DMD: variants seen among roughly 807,000 people sequenced by gnomAD.
The protein encoded by DMD is mutant dystrophin.
In DMD, 63 loss-of-function variants were observed where a neutral mutation model predicts 330.1. The observed-to-expected ratio is 0.19, with a 90% confidence interval of 0.16 to 0.24. DMD has a LOEUF of 0.24. DMD is among the 10% of genes least tolerant of loss of function. The pLI, the probability that DMD is intolerant of heterozygous loss-of-function variation, is 1.00. For synonymous variants in DMD, 1,223 were observed against 959.8 expected (o/e 1.27, Z -5.07); for missense variants, 3,344 against 2,684.1 (o/e 1.25, Z -5.43).
At chrX:32,306,093 T>C (rs1010446468) in intron 42 of DMD, among the ~76,000 whole-genome samples, 1 of 109,655 alleles carries the variant, frequency 9.1e-6, no homozygotes, top group Non-Finnish European at 1.9e-5. Flanking sequence ...ATACGCAATA[T>C]TTACTTATCA....
chrX:33,137,124 C>G (rs184431948), intron 1 of DMD, among the ~76,000 whole-genome samples: 11 of 110,936 alleles, frequency 9.9e-5, no homozygotes, highest in Non-Finnish European at 1.7e-4. Context: ...AGATCGTCCC[C>G]TGCTCCCTTA....
intron 7 of DMD, among the ~76,000 whole-genome samples, chrX:32,715,469 CAAA>C (rs61325834): frequency 0.017 from 287 of 17,193 alleles, 1 homozygote; most frequent in Admixed American, 0.057. Context: ...GAGATTCCAT[CAAA>C]AAAAAAAAAA....
chrX:32,959,289 A>T (rs1786720815), intron 2 of DMD, among the ~76,000 whole-genome samples: 1 of 111,295 alleles, frequency 9.0e-6, no homozygotes, highest in African/African-American at 3.3e-5. Context: ...AAGGCACCTA[A>T]TTTGAATTTG....
chrX:32,588,696 TG>T (rs776845417), intron 13 of DMD, among the ~76,000 whole-genome samples: 1 of 111,465 alleles, frequency 9.0e-6, no homozygotes, highest in Non-Finnish European at 1.9e-5. Context: ...GCAAGGACTT[TG>T]GGGGCTTATG....
In DMD at chrX:32,984,551, G is replaced by A. The variant is rs1305318548; in HGVS notation, c.93+35588C>T. 4.5e-5 allele frequency among the ~76,000 whole-genome samples: 5 copies of A among 111,677 alleles called. No homozygotes were observed. In the East Asian group the frequency reaches 8.4e-4, roughly 19 times the overall value. ...ATTGTAGGAGTGAGCCACCGTGCCC[G>A]GCCCACCTCTGTGTTTTACTTTCCC... On this transcript the variant is annotated intron_variant, in intron 2 of 78. Transcript: ENST00000357033.
At chrX:31,715,656 T>A (rs1014564036) in intron 52 of DMD, among the ~76,000 whole-genome samples, 1 of 111,178 alleles carries the variant, frequency 9.0e-6, no homozygotes, top group Admixed American at 9.6e-5. Context: ...TGGCCTAGTA[T>A]GTTGTATTCT....
chrX:32,978,811 T>G (rs762130475), intron 2 of DMD, among the ~76,000 whole-genome samples: 2 of 112,039 alleles, frequency 1.8e-5, no homozygotes, highest in African/African-American at 6.5e-5. Flanking sequence ...TTTTATTTCC[T>G]TTGCTTCAAA....
intron 1 of DMD, among the ~76,000 whole-genome samples, chrX:33,283,967 A>C (rs1002729623): frequency 9.1e-6 from 1 of 110,480 alleles, no homozygotes; most frequent in African/African-American, 3.3e-5. Flanking sequence ...GCAGTGAGCC[A>C]AGATCGCGCC....
intron 54 of DMD, among the ~76,000 whole-genome samples, chrX:31,644,948 C>T (rs1420242268): frequency 9.0e-6 from 1 of 111,622 alleles, no homozygotes; most frequent in Non-Finnish European, 1.9e-5. Context: ...TTACTGTTAC[C>T]AGCAGCAACC....
At chrX:32,974,825 C>G (rs1001037112) in intron 2 of DMD, among the ~76,000 whole-genome samples, 3 of 111,757 alleles carry the variant, frequency 2.7e-5, no homozygotes, top group Non-Finnish European at 5.6e-5. Flanking sequence ...AAAATGACTT[C>G]CTTTCATCTT....
At chrX:32,544,696 G>T (rs6653875) in intron 17 of DMD, among the ~76,000 whole-genome samples, 1 of 110,055 alleles carries the variant, frequency 9.1e-6, no homozygotes, top group Admixed American at 9.8e-5. Context: ...TTTAGGATGC[G>T]CAGACTGAGA....
chrX:33,286,430 C>A (rs977591218), intron 1 of DMD, among the ~76,000 whole-genome samples: 5 of 111,714 alleles, frequency 4.5e-5, no homozygotes, highest in African/African-American at 1.6e-4. Context: ...TATGAATAAT[C>A]TGTCCTAATT....
intron 7 of DMD, among the ~76,000 whole-genome samples, chrX:32,805,309 T>G: frequency 9.0e-6 from 1 of 111,457 alleles, no homozygotes; most frequent in Non-Finnish European, 1.9e-5. Context: ...AACAACTTCA[T>G]GAAGCATACA....
intron 43 of DMD, among the ~76,000 whole-genome samples, chrX:32,223,794 GT>G (rs1240884009): frequency 1.8e-5 from 2 of 111,843 alleles, no homozygotes; most frequent in African/African-American, 6.5e-5. Context: ...TTTCATTTTA[GT>G]TTTAATTTGC....
chrX:31,615,001 T>C (rs1296956881), intron 55 of DMD, among the ~76,000 whole-genome samples: 5 of 111,865 alleles, frequency 4.5e-5, no homozygotes, highest in Non-Finnish European at 9.4e-5. Context: ...TTTTATCCCC[T>C]CAATTTACAC....
chrX:31,829,655 T>TA (rs1034870937), intron 49 of DMD, among the ~76,000 whole-genome samples: 1 of 111,862 alleles, frequency 8.9e-6, no homozygotes, highest in African/African-American at 3.2e-5. Flanking sequence ...AATACAATCA[T>TA]AAAAAATCAT....
chrX:32,664,302 C>T (rs951190214), intron 9 of DMD, among the ~76,000 whole-genome samples: 7 of 98,328 alleles, frequency 7.1e-5, no homozygotes, highest in Non-Finnish European at 1.2e-4. Flanking sequence ...AGTGCAGTAG[C>T]GCGATATCCG....
At chrX:31,541,296 T>C (rs866930411) in intron 55 of DMD, among the ~76,000 whole-genome samples, 1 of 112,225 alleles carries the variant, frequency 8.9e-6, no homozygotes, top group Middle Eastern at 4.6e-3. Context: ...ATCTTCTTTT[T>C]TCAACTATAA....
chrX:31,530,647 C>CTTGTTTTTTT (rs2073676653), intron 55 of DMD, among the ~76,000 whole-genome samples: 1 of 49,845 alleles, frequency 2.0e-5, no homozygotes, highest in Non-Finnish European at 3.6e-5. Flanking sequence ...ACTGGTTTCT[C>CTTGTTTTTTT]TTTTTTTTTT....
Sources: gnomAD v4.1 joint callset for allele counts (sites outside exome capture counted in the v4.1 genomes callset) on GRCh38, gnomAD v4.1.1 for gene constraint, MANE v1.5 for transcripts, NCBI Gene and HGNC (gene_info 2026-07-23, HGNC 2026-07-21) for gene names.